Variants in GXYLT1 observed in about 807,000 individuals in gnomAD.
GXYLT1 encodes the protein glycosyltransferase 8 domain containing 3.
In GXYLT1, 29 loss-of-function variants were observed where a neutral mutation model predicts 54.0. That is an observed-to-expected ratio of 0.54 (90% CI 0.40 to 0.73). The LOEUF is 0.73. Among genes scored for constraint, GXYLT1 ranks in the 30% least tolerant of loss-of-function variants. The probability of loss-of-function intolerance (pLI) is 0.00; values close to 1 mark genes in which losing one functional copy is unlikely to be tolerated. For missense variants in GXYLT1, 490 were observed against 553.4 expected, an observed-to-expected ratio of 0.89 and a Z score of 1.15; for synonymous variants, 176 against 204.1, an observed-to-expected ratio of 0.86 and a Z score of 1.17.
chr12:42,088,425 T>G (rs1375103866), intron 7 of GXYLT1, among the ~76,000 whole-genome samples: 1 of 152,090 alleles, frequency 6.6e-6, no homozygotes, highest in Non-Finnish European at 1.5e-5. Context: ...CACAGAACCC[T>G]AACTGCACAG....
intron 5 of GXYLT1, among the ~76,000 whole-genome samples, chr12:42,099,299 G>A (rs2065376139): frequency 1.3e-5 from 2 of 152,126 alleles, no homozygotes; most frequent in African/African-American, 4.8e-5. Flanking sequence ...AGAACCCCTG[G>A]AGTCAGCCAG....
chr12:42,137,503 C>CAAAAAAA (rs34628599), intron 1 of GXYLT1, among the ~76,000 whole-genome samples: 1 of 71,656 alleles, frequency 1.4e-5, no homozygotes, highest in South Asian at 5.9e-4. Context: ...GCATCTGTTT[C>CAAAAAAA]AAAAAAAAAA....
intron 5 of GXYLT1, among the ~76,000 whole-genome samples, chr12:42,105,227 T>C (rs2065412377): frequency 6.6e-6 from 1 of 152,208 alleles, no homozygotes; most frequent in Non-Finnish European, 1.5e-5. Context: ...ATTCAGAGAA[T>C]TTAAATAGTC....
intron 1 of GXYLT1, among the ~76,000 whole-genome samples, chr12:42,131,312 A>T (rs1212429051): frequency 6.6e-6 from 1 of 152,184 alleles, no homozygotes; most frequent in Non-Finnish European, 1.5e-5. Context: ...TTCAATTATG[A>T]GTTACTGTGC....
At chr12:42,090,919 TCAA>T (rs2065325438) in intron 7 of GXYLT1, among the ~76,000 whole-genome samples, 1 of 152,338 alleles carries the variant, frequency 6.6e-6, no homozygotes, top group Admixed American at 6.5e-5. Flanking sequence ...TTTTATTCAC[TCAA>T]CAACTAATAT....
rs1224025446 is a variant in GXYLT1 at position 42,081,979 on chromosome 12, G to C, written c.*5807C>G. The C allele has an allele frequency of 6.6e-6, 1 of 152,188 alleles. No homozygotes were observed. Among genetic ancestry groups the C allele is most frequent in the Admixed American group, 6.5e-5 (1 of 15,268 alleles). 9.4% of individuals were successfully genotyped at this position (152,188 alleles called of 1,614,324 possible). ...TTTCCATTATTCTTAGTTTAGACCA[G>C]AATCTTTAATTTTATATTCTCCTTT... On this transcript the variant is annotated 3_prime_UTR_variant, in exon 8 of 8. Coordinates refer to ENST00000398675, the MANE Select transcript of GXYLT1 (RefSeq NM_173601.2).
At chr12:42,121,536 A>G (rs923066831) in intron 2 of GXYLT1, among the ~76,000 whole-genome samples, 29 of 152,058 alleles carry the variant, frequency 1.9e-4, no homozygotes, top group African/African-American at 6.8e-4. Context: ...AGGCTGAGGT[A>G]GGAGGGTTGC....
intron 7 of GXYLT1, among the ~76,000 whole-genome samples, chr12:42,096,125 T>C (rs147013554): frequency 2.0e-4 from 31 of 152,258 alleles, no homozygotes; most frequent in African/African-American, 7.0e-4. Flanking sequence ...CTTGGAAGAA[T>C]GGCATGGAAT....
At chr12:42,135,946 CATAGTAT>C (rs1294868228) in intron 1 of GXYLT1, among the ~76,000 whole-genome samples, 2 of 152,130 alleles carry the variant, frequency 1.3e-5, no homozygotes, top group African/African-American at 4.8e-5. Context: ...TCAAAAAACA[CATAGTAT>C]ATAGGAAAGA....
chr12:42,126,009 A>C (rs1208418996), intron 2 of GXYLT1, among the ~76,000 whole-genome samples: 1 of 152,076 alleles, frequency 6.6e-6, no homozygotes, highest in Non-Finnish European at 1.5e-5. Context: ...CCTGGGCGAC[A>C]AAGTGAGACT....
chr12:42,140,119 T>A (rs184521660), intron 1 of GXYLT1, among the ~76,000 whole-genome samples: 12 of 134,432 alleles, frequency 8.9e-5, no homozygotes, highest in African/African-American at 3.4e-4. Flanking sequence ...AGGCGGAGCT[T>A]GCAGTGAGCT....
intron 3 of GXYLT1, among the ~76,000 whole-genome samples, chr12:42,115,696 C>T (rs2065489859): frequency 2.0e-5 from 3 of 151,728 alleles, no homozygotes; most frequent in South Asian, 2.1e-4. Flanking sequence ...ATGAAAATGG[C>T]CATACTGCCC....
Position 42,118,192 on chromosome 12 carries a change from A to C in GXYLT1, c.486+808T>G, listed in dbSNP as rs576281001. On this transcript the variant is annotated intron_variant, in intron 3 of 7. Coordinates refer to ENST00000398675, the MANE Select transcript of GXYLT1 (RefSeq NM_173601.2). ...CTGCCAAATTGATTTTAACTAATAC[A>C]AAACCAAAATAAATAACTTTCTTAT... 2.3e-4 allele frequency among the ~76,000 whole-genome samples: 35 copies of C among 152,344 alleles called. No individual in the cohort carries two copies. In the South Asian group the frequency reaches 2.5e-3, roughly 11 times the overall value.
At chr12:42,093,293 T>G (rs1235327096) in intron 7 of GXYLT1, among the ~76,000 whole-genome samples, 3 of 152,128 alleles carry the variant, frequency 2.0e-5, no homozygotes, top group Non-Finnish European at 4.4e-5. Flanking sequence ...AGACAGGGTT[T>G]CACCACTTTG....
At chr12:42,140,118 T>C (rs1338865733) in intron 1 of GXYLT1, among the ~76,000 whole-genome samples, 13 of 137,840 alleles carry the variant, frequency 9.4e-5, no homozygotes, top group Non-Finnish European at 2.0e-4. Flanking sequence ...GAGGCGGAGC[T>C]TGCAGTGAGC....
rs141459593 is a variant in GXYLT1, at chr12:42,141,895, GTTCCT to G, written c.221+2526_221+2530del. On this transcript the variant is annotated intron_variant, in intron 1 of 7. Coordinates refer to ENST00000398675, the MANE Select transcript of GXYLT1 (RefSeq NM_173601.2). ...GGATAAGAGATTCCACTGAAAAACTGTTCCTTTCATTTTAAAGTTCTTACTTCAAG... is the reference window on the plus strand; with the variant it reads ...GGATAAGAGATTCCACTGAAAAACTGTTCATTTTAAAGTTCTTACTTCAAG... Among the ~76,000 whole-genome samples the G allele has an allele frequency of 1.7e-3, 264 of 152,206 alleles. 1 individual carries two copies. The South Asian group carries it at 0.037, about 22-fold the overall frequency.
In GXYLT1 at chr12:42,082,515, G is replaced by C. The variant is rs2065259856; in HGVS notation, c.*5271C>G. ...ATTTTTTGAGACAGGGTCTCGCTCTGTCACCCAGGCTGGAGTGCAATGGTG... is the reference window on the plus strand; with the variant it reads ...ATTTTTTGAGACAGGGTCTCGCTCTCTCACCCAGGCTGGAGTGCAATGGTG... On this transcript the variant is annotated 3_prime_UTR_variant, in exon 8 of 8. Transcript: ENST00000398675. The C allele has an allele frequency of 6.6e-6, 1 of 152,188 alleles. No individual in the cohort carries two copies. The allele number at this position is 152,188 out of a possible 1,614,324, so 9.4% of individuals were successfully genotyped here.
chr12:42,102,338 T>C (rs2065395037), intron 5 of GXYLT1, among the ~76,000 whole-genome samples: 1 of 152,222 alleles, frequency 6.6e-6, no homozygotes, highest in Non-Finnish European at 1.5e-5. Context: ...ATAAGCTATG[T>C]ACTAACACAA....
chr12:42,111,445 T>A (rs916981633), intron 3 of GXYLT1, among the ~76,000 whole-genome samples: 4 of 152,174 alleles, frequency 2.6e-5, no homozygotes, highest in Non-Finnish European at 4.4e-5. Context: ...ACTGCGCTTT[T>A]CCAATGGGCT....
Sources: allele counts gnomAD v4.1 joint callset (sites outside exome capture counted in the v4.1 genomes callset), GRCh38; gene constraint gnomAD v4.1.1; transcripts MANE v1.5; gene names NCBI Gene and HGNC (gene_info 2026-07-23, HGNC 2026-07-21).